DOCK3: variants seen among roughly 807,000 people sequenced by gnomAD.
DOCK3 encodes dedicator of cytokinesis protein 3.
DOCK3 carries 60 observed loss-of-function variants against 265.6 expected under a neutral mutation model. That is an observed-to-expected ratio of 0.23 (90% CI 0.18 to 0.28). DOCK3 has a LOEUF of 0.28. DOCK3 is among the 10% of genes least tolerant of loss of function. The probability of loss-of-function intolerance (pLI) is 1.00; values close to 1 mark genes in which losing one functional copy is unlikely to be tolerated. For synonymous variants in DOCK3, 881 were observed against 938.0 expected (o/e 0.94, Z 1.11); for missense variants, 1,981 against 2,594.3 (o/e 0.76, Z 5.14).
At chr3:51,128,031 A>G (rs886767117) in intron 9 of DOCK3, among the ~76,000 whole-genome samples, 60 of 152,152 alleles carry the variant, frequency 3.9e-4, no homozygotes, top group Non-Finnish European at 4.0e-4. Context: ...CCTTCTTTGC[A>G]TGTTGACTTA....
intron 12 of DOCK3, among the ~76,000 whole-genome samples, chr3:51,161,093 AC>A (rs201318410): frequency 0.019 from 2,776 of 145,882 alleles, 130 homozygotes; most frequent in African/African-American, 0.051. Context: ...AAAAAAAAAA[AC>A]AAAAACACCT....
intron 3 of DOCK3, among the ~76,000 whole-genome samples, chr3:50,870,709 C>T (rs984816628): frequency 6.6e-6 from 1 of 151,636 alleles, no homozygotes; most frequent in African/African-American, 2.4e-5. Context: ...ATTCTATCTT[C>T]TTTTTTGTGA....
chr3:50,741,855 C>A (rs545114334), intron 1 of DOCK3, among the ~76,000 whole-genome samples: 1 of 152,338 alleles, frequency 6.6e-6, no homozygotes, highest in East Asian at 1.9e-4. Flanking sequence ...ACCACATTGA[C>A]TTCCACAAGG....
chr3:51,187,283 C>A (rs1170696360), intron 12 of DOCK3, among the ~76,000 whole-genome samples: 1 of 152,230 alleles, frequency 6.6e-6, no homozygotes, highest in Non-Finnish European at 1.5e-5. Context: ...GGATTTCAGA[C>A]TTGCATGGGG....
Position 51,154,689 on chromosome 3 carries a change from G to A in DOCK3, c.829-4555G>A, listed in dbSNP as rs376426926. On this transcript the variant is annotated intron_variant, in intron 10 of 52. Transcript: ENST00000266037. ...CTTGGATTTGTGGGAACAGAGCTGC[G>A]TGCATGTACTGTCTTTGAATTCTTG... Among the ~76,000 whole-genome samples, 103 of 152,310 alleles carry A rather than the reference G, an allele frequency of 6.8e-4. No individual in the cohort carries two copies. In the South Asian group the frequency reaches 0.012, roughly 18 times the overall value.
chr3:51,250,816 T>G (rs2079177336), intron 22 of DOCK3, among the ~76,000 whole-genome samples: 1 of 152,198 alleles, frequency 6.6e-6, no homozygotes, highest in Non-Finnish European at 1.5e-5. Context: ...ACAGAATATT[T>G]AAAAGCCTAG....
At chr3:51,239,285 C>A (rs1576498725) in intron 21 of DOCK3, among the ~76,000 whole-genome samples, 1 of 151,896 alleles carries the variant, frequency 6.6e-6, no homozygotes, top group East Asian at 1.9e-4. Flanking sequence ...TCTTGGCTCA[C>A]TGTAACCTGC....
chr3:51,339,124 A>G, intron 37 of DOCK3, 96 bp downstream of exon 37: 1 of 1,026,290 alleles, frequency 9.7e-7, no homozygotes, highest in Non-Finnish European at 1.4e-6. Context: ...GGTGCCTGCC[A>G]GATCTCAGCA....
intron 20 of DOCK3, 122 bp downstream of exon 20, chr3:51,236,550 G>C (rs2078358791): frequency 4.3e-6 from 4 of 928,882 alleles, no homozygotes; most frequent in Admixed American, 5.7e-5. Context: ...CAATAGAAAA[G>C]GGACTAAGGA....
intron 2 of DOCK3, among the ~76,000 whole-genome samples, chr3:50,819,851 A>C (rs1459091624): frequency 6.6e-6 from 1 of 152,182 alleles, no homozygotes; most frequent in Non-Finnish European, 1.5e-5. Context: ...AATCCCAGCT[A>C]CTCAGGAGGC....
intron 23 of DOCK3, among the ~76,000 whole-genome samples, chr3:51,269,094 A>ACT (rs113113347): frequency 0.79 from 111,162 of 141,026 alleles, 44,159 homozygotes; most frequent in Middle Eastern, 0.88. Context: ...GAGTTTCACA[A>ACT]CTCTCTCTCT....
chr3:50,960,039 C>T (rs190094652), intron 5 of DOCK3, among the ~76,000 whole-genome samples: 74 of 152,190 alleles, frequency 4.9e-4, no homozygotes, highest in Middle Eastern at 3.2e-3. Context: ...CGTGTCATTG[C>T]ATGAAATCAG....
At chr3:51,175,259 T>A (rs898423625) in intron 12 of DOCK3, among the ~76,000 whole-genome samples, 6 of 152,110 alleles carry the variant, frequency 3.9e-5, no homozygotes, top group African/African-American at 1.4e-4. Flanking sequence ...AGAGGCAGGT[T>A]ATCAGGCCAC....
chr3:50,802,201 T>C (rs1259556166), intron 2 of DOCK3, among the ~76,000 whole-genome samples: 2 of 152,214 alleles, frequency 1.3e-5, no homozygotes, highest in East Asian at 1.9e-4. Context: ...AAGATTATTA[T>C]TGATAGGGAT....
intron 14 of DOCK3, among the ~76,000 whole-genome samples, chr3:51,216,991 G>A (rs1201244028): frequency 3.9e-5 from 6 of 152,156 alleles, no homozygotes; most frequent in East Asian, 1.9e-4. Context: ...CCATGAACAC[G>A]TGGAGATATA....
rs1017476743 is a variant in DOCK3, at chr3:50,790,233, C to G, written c.121+11475C>G. Among the ~76,000 whole-genome samples the G allele has an allele frequency of 2.0e-5, 3 of 152,112 alleles. No individual in the cohort carries two copies. In the East Asian group the frequency reaches 5.8e-4, roughly 29 times the overall value. On this transcript the variant is annotated intron_variant, in intron 2 of 52. Coordinates refer to ENST00000266037, the MANE Select transcript of DOCK3 (RefSeq NM_004947.5). Reference sequence around the variant, plus strand: ...GTGAGTCTCTTGAAGACAACAGATGCATGGTTTGTGAATTCTTATCTGTTC... The same window carrying G: ...GTGAGTCTCTTGAAGACAACAGATGGATGGTTTGTGAATTCTTATCTGTTC...
intron 5 of DOCK3, among the ~76,000 whole-genome samples, chr3:50,967,173 TC>T (rs2077058332): frequency 6.6e-6 from 1 of 152,154 alleles, no homozygotes; most frequent in Non-Finnish European, 1.5e-5. Context: ...ACCTCTTCAT[TC>T]CTGCCCACAT....
At chr3:51,228,569 T>G in intron 17 of DOCK3, 92 bp from the exon 18 acceptor site, 15 of 1,407,330 alleles carry the variant, frequency 1.1e-5, no homozygotes, top group Non-Finnish European at 1.4e-5. Context: ...CTTAGGAAGA[T>G]GAGAGCAAGT....
chr3:51,120,231 T>C (rs1177051436), intron 9 of DOCK3, among the ~76,000 whole-genome samples: 4 of 152,188 alleles, frequency 2.6e-5, no homozygotes, highest in African/African-American at 7.2e-5. Flanking sequence ...CCCTCTTCTG[T>C]AGATCCACTG....
Sources: gnomAD v4.1 joint callset for allele counts (sites outside exome capture counted in the v4.1 genomes callset) on GRCh38, gnomAD v4.1.1 for gene constraint, MANE v1.5 for transcripts, NCBI Gene and HGNC (gene_info 2026-07-23, HGNC 2026-07-21) for gene names.